Variants in DRC5 observed in about 807,000 individuals in gnomAD.
The protein encoded by DRC5 is dynein regulatory complex subunit 5, also known as T-complex-associated testis-expressed protein 1.
At chr6:44,282,312 A>G in the DRC5 span, 1 of 1,614,192 alleles carries the variant, frequency 6.2e-7, no homozygotes, top group Admixed American at 1.7e-5. Context: ...GTTGAGGGAA[A>G]TGAGGTTGGT....
the DRC5 span, among the ~76,000 whole-genome samples, chr6:44,293,678 T>G: frequency 6.6e-6 from 1 of 152,186 alleles, no homozygotes; most frequent in African/African-American, 2.4e-5. Context: ...TCACTGTTCC[T>G]GCCCTCCACT....
chr6:44,294,474 G>C, the DRC5 span, among the ~76,000 whole-genome samples: 1 of 152,034 alleles, frequency 6.6e-6, no homozygotes. Flanking sequence ...GCGGGATATG[G>C]TGGCTCATGC....
At chr6:44,282,255 T>A in the DRC5 span, 1,548 of 1,614,162 alleles carry the variant, frequency 9.6e-4, 11 homozygotes, top group African/African-American at 0.018. Context: ...CTGCAAGGCA[T>A]GGGCAAGAGC....
the DRC5 span, chr6:44,286,213 C>T: frequency 1.2e-5 from 20 of 1,611,612 alleles, no homozygotes; most frequent in Non-Finnish European, 1.5e-5. Context: ...GGAGCTGCAC[C>T]GGCGGAAGGA....
At chr6:44,295,251 C>G in the DRC5 span, among the ~76,000 whole-genome samples, 1 of 152,156 alleles carries the variant, frequency 6.6e-6, no homozygotes, top group African/African-American at 2.4e-5. Context: ...CTTGTGCCAC[C>G]ACCTGGTGTC....
chr6:44,294,772 CAAAAAA>C, the DRC5 span, among the ~76,000 whole-genome samples: 4 of 88,764 alleles, frequency 4.5e-5, no homozygotes, highest in Admixed American at 4.0e-4. Flanking sequence ...AACTCTGTCT[CAAAAAA>C]AAAAAAAAAA....
At chr6:44,290,879 G>A in the DRC5 span, among the ~76,000 whole-genome samples, 1 of 152,072 alleles carries the variant, frequency 6.6e-6, no homozygotes, top group Non-Finnish European at 1.5e-5. Context: ...CCCCACCTGG[G>A]GCCAGGTGGG....
the DRC5 span, chr6:44,285,902 G>T: frequency 7.0e-7 from 1 of 1,425,600 alleles, no homozygotes; most frequent in Non-Finnish European, 9.7e-7. Flanking sequence ...AGGAAGAGGA[G>T]GGGAGAGGGA....
chr6:44,291,047 C>G, the DRC5 span, among the ~76,000 whole-genome samples: 1 of 152,218 alleles, frequency 6.6e-6, no homozygotes, highest in Non-Finnish European at 1.5e-5. Flanking sequence ...GGGGCATGTT[C>G]CAGGGCCCTG....
the DRC5 span, among the ~76,000 whole-genome samples, chr6:44,296,950 G>T: frequency 2.1e-5 from 3 of 145,228 alleles, no homozygotes; most frequent in African/African-American, 7.5e-5. Context: ...CGTGTGCTTG[G>T]ACTTGGGCTG....
the DRC5 span, among the ~76,000 whole-genome samples, chr6:44,280,715 G>T: frequency 6.6e-6 from 1 of 152,170 alleles, no homozygotes; most frequent in African/African-American, 2.4e-5. Flanking sequence ...GTGGCTTCTG[G>T]GAAGCTTCTC....
the DRC5 span, among the ~76,000 whole-genome samples, chr6:44,297,473 G>A: frequency 6.6e-6 from 1 of 152,336 alleles, no homozygotes; most frequent in Non-Finnish European, 1.5e-5. Context: ...GAGGGCGTGG[G>A]GTCTCCCGTG....
the DRC5 span, among the ~76,000 whole-genome samples, chr6:44,288,286 T>C: frequency 1.3e-5 from 2 of 152,188 alleles, no homozygotes; most frequent in Admixed American, 6.5e-5. Context: ...TGCCTATTAA[T>C]TCATGTGTCC....
At chr6:44,287,713 G>C in the DRC5 span, 26 of 1,614,128 alleles carry the variant, frequency 1.6e-5, no homozygotes, top group African/African-American at 5.3e-5. Context: ...TGAAGGCTTT[G>C]AGAGCTGTGG....
At chr6:44,289,455 T>C in the DRC5 span, among the ~76,000 whole-genome samples, 41 of 152,182 alleles carry the variant, frequency 2.7e-4, no homozygotes, top group Non-Finnish European at 4.7e-4. Context: ...TCTTCAAAAT[T>C]TGATGGCTCA....
the DRC5 span, chr6:44,287,289 G>T: frequency 1.0e-6 from 1 of 963,496 alleles, no homozygotes; most frequent in Non-Finnish European, 1.2e-6. Flanking sequence ...GCTGGAGAGA[G>T]TAGAAAAGGC....
At chr6:44,284,384 T>A in the DRC5 span, among the ~76,000 whole-genome samples, 3 of 151,894 alleles carry the variant, frequency 2.0e-5, no homozygotes, top group East Asian at 5.8e-4. Context: ...ATGCCAGGCC[T>A]CTTGTTGTCT....
the DRC5 span, among the ~76,000 whole-genome samples, chr6:44,294,650 G>C: frequency 6.6e-6 from 1 of 151,434 alleles, no homozygotes; most frequent in African/African-American, 2.4e-5. Context: ...GAGGCTGAAA[G>C]AGGTGGTTTA....
At chr6:44,281,924 T>C in the DRC5 span, among the ~76,000 whole-genome samples, 2 of 152,172 alleles carry the variant, frequency 1.3e-5, no homozygotes, top group South Asian at 4.1e-4. Context: ...ATGCTTAGGG[T>C]TAATATACAG....
Sources: gnomAD v4.1 joint callset for allele counts (sites outside exome capture counted in the v4.1 genomes callset) on GRCh38, gnomAD v4.1.1 for gene constraint, MANE v1.5 for transcripts, NCBI Gene and HGNC (gene_info 2026-07-23, HGNC 2026-07-21) for gene names.